The following CSMD1 variants were observed in gnomAD, a reference collection of about 807,000 sequenced individuals.
CSMD1 encodes CUB and Sushi multiple domains 1, also known as CUB and sushi domain-containing protein 1.
In CSMD1, 213 loss-of-function variants were observed where a neutral mutation model predicts 417.5. The observed-to-expected ratio is 0.51, with a 90% confidence interval of 0.46 to 0.57. The LOEUF (loss-of-function observed/expected upper bound fraction) is 0.57, where lower values mean the gene tolerates loss of function less well. Ranked by LOEUF, CSMD1 falls within the 20% of genes least tolerant of loss-of-function variation. CSMD1 has a pLI of 0.00. For synonymous variants in CSMD1, 2,862 were observed against 1,736.8 expected (o/e 1.65, Z -16.11); for missense variants, 6,923 against 4,529.7 (o/e 1.53, Z -15.17).
At chr8:4,743,913 C>A (rs141976167) in intron 1 of CSMD1, among the ~76,000 whole-genome samples, 1,527 of 152,272 alleles carry the variant, frequency 0.01, 8 homozygotes, top group Non-Finnish European at 0.016. Flanking sequence ...CCGATTAAAG[C>A]TAGAAGTTTA....
At chr8:4,390,134 G>C (rs1347416478) in intron 3 of CSMD1, among the ~76,000 whole-genome samples, 1 of 152,120 alleles carries the variant, frequency 6.6e-6, no homozygotes, top group Non-Finnish European at 1.5e-5. Context: ...TCAGCAATTG[G>C]ACTTTAATTC....
At chr8:3,525,799 G>A (rs916980764) in intron 10 of CSMD1, among the ~76,000 whole-genome samples, 1 of 152,142 alleles carries the variant, frequency 6.6e-6, no homozygotes, top group Non-Finnish European at 1.5e-5. Flanking sequence ...AAACTTGGTT[G>A]CTTACCACTA....
At chr8:3,561,684 C>G (rs1585370968) in intron 10 of CSMD1, among the ~76,000 whole-genome samples, 1 of 152,138 alleles carries the variant, frequency 6.6e-6, no homozygotes, top group Non-Finnish European at 1.5e-5. Context: ...TGCTGATATT[C>G]AGGTGATGGG....
At chr8:4,486,177 A>G (rs1274533256) in intron 2 of CSMD1, among the ~76,000 whole-genome samples, 1 of 8,764 alleles carries the variant, frequency 1.1e-4, no homozygotes, top group Non-Finnish European at 2.2e-4. Context: ...ATATATATAC[A>G]TACATATATA....
chr8:3,587,804 G>C (rs187350529), intron 8 of CSMD1, among the ~76,000 whole-genome samples: 41 of 152,250 alleles, frequency 2.7e-4, no homozygotes, highest in Admixed American at 9.8e-4. Context: ...AAAAGATGTA[G>C]ACTTTTCCAG....
At chr8:3,337,717 G>C (rs1563286330) in intron 23 of CSMD1, among the ~76,000 whole-genome samples, 1 of 152,134 alleles carries the variant, frequency 6.6e-6, no homozygotes, top group African/African-American at 2.4e-5. Flanking sequence ...CTAGGAGTTT[G>C]GGCACTGATC....
chr8:3,180,319 A>G lies in CSMD1; in HGVS notation c.5725+791T>C, dbSNP rs60144970. Among the ~76,000 whole-genome samples the G allele has an allele frequency of 1.8e-3, 267 of 152,302 alleles. 1 individual carries two copies. The highest frequency in any genetic ancestry group is 6.2e-3 in the African/African-American group (256 of 41,578). ...GTCGACTGTGCGATGCCTTCCTCCA[A>G]TTAAAATGAATAACACACAAATGCA... On this transcript the variant is annotated intron_variant, in intron 37 of 69. Coordinates refer to ENST00000635120, the MANE Select transcript of CSMD1 (RefSeq NM_033225.6).
chr8:3,476,933 T>TCG (rs1817465310), intron 11 of CSMD1, among the ~76,000 whole-genome samples: 1 of 143,140 alleles, frequency 7.0e-6, no homozygotes. Context: ...AAAAAAAAAA[T>TCG]GTGAATCAGT....
intron 10 of CSMD1, among the ~76,000 whole-genome samples, chr8:3,516,603 G>T (rs1212666191): frequency 6.6e-6 from 1 of 152,148 alleles, no homozygotes; most frequent in African/African-American, 2.4e-5. Flanking sequence ...CAAAGTTTAA[G>T]AGGATGTTTA....
intron 2 of CSMD1, among the ~76,000 whole-genome samples, chr8:4,461,537 A>G (rs184522692): frequency 3.6e-4 from 38 of 106,434 alleles, no homozygotes; most frequent in South Asian, 2.2e-3. Flanking sequence ...GCAAAAATCC[A>G]TATTTTTTTT....
intron 6 of CSMD1, among the ~76,000 whole-genome samples, chr8:3,718,980 G>A (rs1801991159): frequency 6.6e-6 from 1 of 152,084 alleles, no homozygotes. Context: ...AAAGCGCAAA[G>A]GGGGAGGCAG....
chr8:3,892,946 T>C (rs1313005870), intron 5 of CSMD1, among the ~76,000 whole-genome samples: 1 of 142,610 alleles, frequency 7.0e-6, no homozygotes, highest in African/African-American at 2.5e-5. Flanking sequence ...GAAGGAAGTT[T>C]TCTCAAGTCT....
chr8:3,423,589 G>T, intron 12 of CSMD1, among the ~76,000 whole-genome samples: 1 of 152,038 alleles, frequency 6.6e-6, no homozygotes, highest in Non-Finnish European at 1.5e-5. Context: ...CTGACTCAAT[G>T]GTCCTCCACT....
At chr8:3,432,565 A>G (rs2117025951) in intron 12 of CSMD1, among the ~76,000 whole-genome samples, 1 of 131,480 alleles carries the variant, frequency 7.6e-6, no homozygotes, top group East Asian at 2.2e-4. Context: ...GCTGGAGTGC[A>G]GTGGTGCGAT....
At position 4,171,633 on chromosome 8, in the gene CSMD1, C is replaced by G. The variant is rs76861490; in HGVS notation, c.416-139534G>C. On this transcript the variant is annotated intron_variant, in intron 3 of 69. Coordinates refer to ENST00000635120, the MANE Select transcript of CSMD1 (RefSeq NM_033225.6). The stretch of plus-strand genomic sequence containing the variant: ...CCACTAAATTTCACTAAGCCAAATC[C>G]CAAACTTGCCTGTTTTTTTCCCAAT... Among the ~76,000 whole-genome samples, 329 of 151,750 alleles carry G rather than the reference C, an allele frequency of 2.2e-3. 10 individuals are homozygous for G. In the East Asian group the frequency reaches 0.055, roughly 25 times the overall value.
chr8:3,797,551 CTG>C (rs1563090913), intron 5 of CSMD1, among the ~76,000 whole-genome samples: 1 of 151,842 alleles, frequency 6.6e-6, no homozygotes, highest in Non-Finnish European at 1.5e-5. Context: ...AATTTGGATT[CTG>C]TCTCACAATA....
intron 26 of CSMD1, among the ~76,000 whole-genome samples, chr8:3,234,704 C>G (rs1799047026): frequency 6.6e-6 from 1 of 152,186 alleles, no homozygotes; most frequent in South Asian, 2.1e-4. Context: ...GCAACACTTA[C>G]AGTTAGAAAG....
chr8:3,149,854 C>T (rs145852523), intron 40 of CSMD1, among the ~76,000 whole-genome samples: 72 of 152,314 alleles, frequency 4.7e-4, no homozygotes, highest in African/African-American at 1.6e-3. Flanking sequence ...ACACCTCCTT[C>T]AGGGATAGCT....
chr8:3,413,117 A>C (rs567706055), intron 12 of CSMD1, among the ~76,000 whole-genome samples: 2 of 152,338 alleles, frequency 1.3e-5, no homozygotes, highest in Non-Finnish European at 2.9e-5. Context: ...GAATTAAAGA[A>C]TAAGATTCAT....
Sources: allele counts gnomAD v4.1 joint callset (sites outside exome capture counted in the v4.1 genomes callset), GRCh38; gene constraint gnomAD v4.1.1; transcripts MANE v1.5; gene names NCBI Gene and HGNC (gene_info 2026-07-23, HGNC 2026-07-21).